The following INTS7 variants were observed in gnomAD, a reference collection of about 807,000 sequenced individuals.
INTS7 encodes integrator complex subunit 7.
A neutral mutation model predicts 109.2 loss-of-function variants in INTS7; 46 were observed. The ratio of observed to expected loss-of-function variants is 0.42; its 90% CI spans 0.33 to 0.54. The LOEUF is 0.54. Ranked by LOEUF, INTS7 falls within the 20% of genes least tolerant of loss-of-function variation. The probability of loss-of-function intolerance (pLI) is 0.07; values close to 1 mark genes in which losing one functional copy is unlikely to be tolerated. For missense variants in INTS7, 929 were observed against 1,132.4 expected (o/e 0.82, Z 2.58); for synonymous variants, 412 against 402.9 (o/e 1.02, Z -0.27).
At chr1:211,984,861 A>G (rs1664825242) in intron 8 of INTS7, among the ~76,000 whole-genome samples, 1 of 152,110 alleles carries the variant, frequency 6.6e-6, no homozygotes, top group African/African-American at 2.4e-5. Flanking sequence ...GCTCCGTGCC[A>G]TATTTTCTTT....
intron 13 of INTS7, among the ~76,000 whole-genome samples, chr1:211,973,994 C>T (rs953876082): frequency 1.2e-4 from 18 of 152,038 alleles, no homozygotes; most frequent in Non-Finnish European, 2.4e-4. Flanking sequence ...TAATTATTGT[C>T]AAGCCTCATT....
chr1:212,007,525 C>T, intron 5 of INTS7, 76 bp from the exon 6 acceptor site: 1 of 1,179,608 alleles, frequency 8.5e-7, no homozygotes, highest in Non-Finnish European at 1.3e-6. Context: ...AGCTGTGACT[C>T]ATTTAGCAAA....
intron 16 of INTS7, among the ~76,000 whole-genome samples, chr1:211,963,415 T>C (rs962570598): frequency 6.6e-6 from 1 of 151,662 alleles, no homozygotes; most frequent in Non-Finnish European, 1.5e-5. Flanking sequence ...CAGGTATACA[T>C]AGAAGAGCTG....
At chr1:212,005,371 G>A (rs533021558) in intron 7 of INTS7, among the ~76,000 whole-genome samples, 1 of 152,306 alleles carries the variant, frequency 6.6e-6, no homozygotes, top group East Asian at 1.9e-4. Context: ...GAAGGACCAC[G>A]CAAGGGAAGG....
intron 7 of INTS7, among the ~76,000 whole-genome samples, chr1:211,998,745 A>G (rs913723404): frequency 3.3e-5 from 5 of 152,220 alleles, no homozygotes; most frequent in Admixed American, 2.0e-4. Flanking sequence ...ATACATATTG[A>G]GAGGGAATAT....
intron 7 of INTS7, among the ~76,000 whole-genome samples, chr1:212,001,369 G>A (rs1245395901): frequency 4.6e-5 from 7 of 151,936 alleles, no homozygotes; most frequent in Non-Finnish European, 7.4e-5. Context: ...CTCTTAAAAC[G>A]TTTTCTACAG....
chr1:211,944,223 A>G (rs182089052), intron 19 of INTS7, among the ~76,000 whole-genome samples: 52 of 152,238 alleles, frequency 3.4e-4, no homozygotes, highest in Non-Finnish European at 5.9e-5. Flanking sequence ...GGAGACACTT[A>G]TTTTCCAACT....
chr1:211,976,644 G>T lies in INTS7; in HGVS notation c.1546C>A (p.Gln516Lys), dbSNP rs1190295264. 6.2e-7 allele frequency: 1 copy of T among 1,613,682 alleles called. No homozygotes were observed. The highest frequency in any genetic ancestry group is 8.5e-7 in the Non-Finnish European group (1 of 1,179,732). ...CATCCATTGGAGACACTTTCAAGCT[G>T]CTGCTTAATTACTGCCTTACTTTCC... The part of the protein sequence containing the change: ...SVESKAVIKQ[Q>K]LESVSNGWTV... Residue 516 changes from glutamine (Q) to lysine (K), a missense_variant, in exon 12 of 20, where the codon CAG becomes AAG. Gln to Lys is a moderately conservative substitution (Grantham distance 53, BLOSUM62 1). Transcript: ENST00000366994.
chr1:211,981,104 C>T lies in INTS7; in HGVS notation c.1219G>A (p.Ala407Thr), dbSNP rs749407466. ...ATAAAAGTTTTCACCTTTAAAGTGGCCTGAGCACCTGGACTATCATCTTGA... is the reference window on the plus strand; with the variant it reads ...ATAAAAGTTTTCACCTTTAAAGTGGTCTGAGCACCTGGACTATCATCTTGA... Reference protein sequence around the residue: ...CSQDDSPGAQATLKIALNCMV... With the variant: ...CSQDDSPGAQTTLKIALNCMV... The change falls in exon 10 of 20, where the codon GCC becomes ACC. Residue 407 changes from alanine (A) to threonine (T), a missense_variant. By Grantham distance (58) the Ala-to-Thr change is moderately conservative (BLOSUM62 0). Coordinates refer to ENST00000366994, the MANE Select transcript of INTS7 (RefSeq NM_015434.4). The T allele has an allele frequency of 5.6e-6, 9 of 1,609,002 alleles. No homozygotes were observed. In the East Asian group the frequency reaches 2.0e-4, roughly 36 times the overall value.
chr1:211,945,990 T>A (rs1324931088), intron 18 of INTS7, among the ~76,000 whole-genome samples: 3 of 152,198 alleles, frequency 2.0e-5, no homozygotes, highest in African/African-American at 7.2e-5. Flanking sequence ...CAGCTCAAGA[T>A]CCTTGCAGGC....
rs568378308 is a variant in INTS7, at chr1:211,941,389, G to A, written c.*435C>T. On this transcript the variant is annotated 3_prime_UTR_variant, in exon 20 of 20. Coordinates refer to ENST00000366994, the MANE Select transcript of INTS7 (RefSeq NM_015434.4). ...ATGTATTTATTTATTTTTTTGAGACGGAGTCTCGCTCTGTCGCCCAGGCTG... is the reference window on the plus strand; with the variant it reads ...ATGTATTTATTTATTTTTTTGAGACAGAGTCTCGCTCTGTCGCCCAGGCTG... 332 of 153,976 alleles carry A rather than the reference G, an allele frequency of 2.2e-3. 1 individual carries two copies. Among genetic ancestry groups the A allele is most frequent in the Non-Finnish European group, 2.9e-3 (198 of 69,342 alleles). The allele number at this position is 153,976 out of a possible 1,614,324, so 9.5% of individuals were successfully genotyped here. A position where few individuals can be genotyped will look rare whatever the true frequency, so the allele number is the denominator to read the frequency against.
chr1:211,948,222 G>C (rs986525202), intron 17 of INTS7, among the ~76,000 whole-genome samples: 16 of 152,202 alleles, frequency 1.1e-4, no homozygotes, highest in African/African-American at 3.6e-4. Flanking sequence ...TCCTTATTGG[G>C]TTCAGGCAAT....
chr1:211,990,858 G>T (rs1386569730), intron 7 of INTS7, among the ~76,000 whole-genome samples: 1 of 151,966 alleles, frequency 6.6e-6, no homozygotes, highest in Non-Finnish European at 1.5e-5. Context: ...TGATGAAAAA[G>T]GAAAAAAAGA....
chr1:212,031,732 G>T (rs1328984155), intron 1 of INTS7, among the ~76,000 whole-genome samples: 1 of 152,162 alleles, frequency 6.6e-6, no homozygotes, highest in African/African-American at 2.4e-5. Flanking sequence ...ATCACATGAA[G>T]GATGATTTTC....
chr1:212,020,983 C>G (rs1196604236), intron 2 of INTS7, 100 bp downstream of exon 2: 1 of 1,073,648 alleles, frequency 9.3e-7, no homozygotes, highest in Non-Finnish European at 1.3e-6. Flanking sequence ...TGGTAACTAA[C>G]CAGGTGGAAG....
At chr1:212,028,011 G>C (rs1291795997) in intron 1 of INTS7, among the ~76,000 whole-genome samples, 1 of 152,106 alleles carries the variant, frequency 6.6e-6, no homozygotes, top group Non-Finnish European at 1.5e-5. Flanking sequence ...ATTTTTAGTA[G>C]AGACAGGATT....
chr1:212,017,375 T>G (rs988496805), intron 3 of INTS7, among the ~76,000 whole-genome samples: 1 of 152,182 alleles, frequency 6.6e-6, no homozygotes, highest in East Asian at 1.9e-4. Flanking sequence ...AGCAAAGCAT[T>G]AAGAATACAA....
At position 211,941,937 on chromosome 1, in the gene INTS7, T is replaced by C. The variant is rs1174555561; in HGVS notation, c.2776A>G (p.Ile926Val). The C allele has an allele frequency of 2.5e-6, 4 of 1,614,226 alleles. No individual in the cohort carries two copies. Among genetic ancestry groups the C allele is most frequent in the East Asian group, 2.2e-5 (1 of 44,886 alleles). Residue 926 changes from isoleucine to valine, a missense_variant, in exon 20 of 20, where the codon ATA becomes GTA. Physicochemically the swap from Ile to Val is conservative, Grantham distance 29. Around this residue, in one of 2 missense-constraint regions of INTS7, gnomAD observed 787 missense variants for 901.1 expected, o/e 0.87. Coordinates refer to ENST00000366994, the MANE Select transcript of INTS7 (RefSeq NM_015434.4). Reference protein sequence around the residue: ...IVWKTGPRTTIFVKSLEDPYS... With the variant: ...IVWKTGPRTTVFVKSLEDPYS... ...GGGTCTTCCAGGGATTTTACAAATATGGTAGTTCTGGGACCAGTCTTCCAT... is the reference window on the plus strand; with the variant it reads ...GGGTCTTCCAGGGATTTTACAAATACGGTAGTTCTGGGACCAGTCTTCCAT...
At chr1:211,948,536 G>GTGCA (rs777386429) in intron 17 of INTS7, among the ~76,000 whole-genome samples, 1 of 152,218 alleles carries the variant, frequency 6.6e-6, no homozygotes, top group African/African-American at 2.4e-5. Context: ...TAAAAGAATG[G>GTGCA]TGCAGATTTT....
Sources: allele counts gnomAD v4.1 joint callset (sites outside exome capture counted in the v4.1 genomes callset), GRCh38; gene constraint gnomAD v4.1.1; regional missense constraint gnomAD v4.1.1; transcripts MANE v1.5; gene names NCBI Gene and HGNC (gene_info 2026-07-23, HGNC 2026-07-21).